LIMCH1: variants seen among roughly 807,000 people sequenced by gnomAD.
LIMCH1 encodes LIM and calponin homology domains-containing protein 1.
In LIMCH1, 113 loss-of-function variants were observed where a neutral mutation model predicts 176.5. The ratio of observed to expected loss-of-function variants is 0.64; its 90% CI spans 0.55 to 0.75. The LOEUF is 0.75. LIMCH1 is among the 30% of genes least tolerant of loss of function. The probability of loss-of-function intolerance (pLI) is 0.00; values close to 1 mark genes in which losing one functional copy is unlikely to be tolerated. For synonymous variants in LIMCH1, 619 were observed against 645.9 expected, an observed-to-expected ratio of 0.96 and a Z score of 0.63; for missense variants, 1,674 against 1,814.9, an observed-to-expected ratio of 0.92 and a Z score of 1.41.
intron 1 of LIMCH1, among the ~76,000 whole-genome samples, chr4:41,572,438 A>T (rs1213663009): frequency 6.6e-6 from 1 of 152,198 alleles, no homozygotes; most frequent in African/African-American, 2.4e-5. Context: ...GAAAGAAAAT[A>T]TGAGACATCT....
chr4:41,369,376 A>G (rs2154095809), intron 1 of LIMCH1, among the ~76,000 whole-genome samples: 1 of 152,310 alleles, frequency 6.6e-6, no homozygotes. Flanking sequence ...CTTTCTGTAT[A>G]TAGGAGAGAC....
At chr4:41,415,732 C>G (rs2059865093) in intron 1 of LIMCH1, among the ~76,000 whole-genome samples, 3 of 152,084 alleles carry the variant, frequency 2.0e-5, no homozygotes, top group Admixed American at 2.0e-4. Flanking sequence ...AATCCCAGCA[C>G]TTTGGGAGGT....
At chr4:41,372,621 A>T (rs1336576219) in intron 1 of LIMCH1, among the ~76,000 whole-genome samples, 1 of 152,192 alleles carries the variant, frequency 6.6e-6, no homozygotes, top group Non-Finnish European at 1.5e-5. Flanking sequence ...TAGGAATTTC[A>T]CATTTCCTAT....
intron 1 of LIMCH1, among the ~76,000 whole-genome samples, chr4:41,546,081 A>G (rs113268460): frequency 6.6e-5 from 10 of 152,312 alleles, no homozygotes; most frequent in African/African-American, 1.9e-4. Context: ...AATAAAAAAT[A>G]TGTTATAGAA....
chr4:41,617,855 A>C (rs2092253682), intron 5 of LIMCH1, among the ~76,000 whole-genome samples: 1 of 152,262 alleles, frequency 6.6e-6, no homozygotes, highest in Non-Finnish European at 1.5e-5. Context: ...CTATTATGAC[A>C]TAAAGAGTAG....
At chr4:41,379,694 T>G (rs1292175891) in intron 1 of LIMCH1, among the ~76,000 whole-genome samples, 1 of 152,260 alleles carries the variant, frequency 6.6e-6, no homozygotes, top group Non-Finnish European at 1.5e-5. Flanking sequence ...ATTCTGATAC[T>G]AAGTCATTTG....
At chr4:41,610,764 C>T (rs948254048) in intron 4 of LIMCH1, among the ~76,000 whole-genome samples, 11 of 152,262 alleles carry the variant, frequency 7.2e-5, no homozygotes, top group African/African-American at 2.2e-4. Context: ...CCCAGCCAGT[C>T]GGTATTCGGA....
chr4:41,404,189 C>T (rs984045390), intron 1 of LIMCH1, among the ~76,000 whole-genome samples: 1 of 152,130 alleles, frequency 6.6e-6, no homozygotes, highest in African/African-American at 2.4e-5. Context: ...CTGACAGAGA[C>T]TTCCTTCACC....
At chr4:41,564,783 A>C (rs1483154163) in intron 1 of LIMCH1, among the ~76,000 whole-genome samples, 2 of 152,154 alleles carry the variant, frequency 1.3e-5, no homozygotes, top group Admixed American at 6.5e-5. Context: ...GGGCAGGATC[A>C]GGTGGAGATA....
chr4:41,479,206 T>C (rs1327875691), intron 1 of LIMCH1, among the ~76,000 whole-genome samples: 1 of 152,218 alleles, frequency 6.6e-6, no homozygotes, highest in Admixed American at 6.5e-5. Context: ...TTAGTATGCA[T>C]CTCCAAAGTG....
At chr4:41,524,289 A>C in intron 2 of LIMCH1, 1 of 779,434 alleles carries the variant, frequency 1.3e-6, no homozygotes, top group African/African-American at 1.7e-5. Context: ...GAGATTTACT[A>C]TATGCTTTAA....
chr4:41,675,672 G>C (rs565283047), intron 22 of LIMCH1, among the ~76,000 whole-genome samples: 241 of 140,698 alleles, frequency 1.7e-3, no homozygotes, highest in Admixed American at 4.6e-3. Context: ...CCCCCCACCT[G>C]TACCCTCCCA....
chr4:41,509,834 A>G (rs765857393), intron 2 of LIMCH1, among the ~76,000 whole-genome samples: 1 of 152,260 alleles, frequency 6.6e-6, no homozygotes, highest in South Asian at 2.1e-4. Flanking sequence ...CTCCTACTCA[A>G]AAGAGGGACT....
At chr4:41,472,607 A>G (rs1378299913) in intron 1 of LIMCH1, among the ~76,000 whole-genome samples, 4 of 151,884 alleles carry the variant, frequency 2.6e-5, no homozygotes, top group Admixed American at 2.6e-4. Context: ...TTTTGTAGAG[A>G]TGGGTGTTGC....
At chr4:41,479,330 G>A (rs975905666) in intron 1 of LIMCH1, among the ~76,000 whole-genome samples, 39 of 152,134 alleles carry the variant, frequency 2.6e-4, no homozygotes, top group African/African-American at 9.4e-4. Flanking sequence ...ACAGCTCACT[G>A]CAGCCTCCAA....
At chr4:41,511,985 AAAATATTTGC>A (rs1350151874) in intron 2 of LIMCH1, among the ~76,000 whole-genome samples, 1 of 152,226 alleles carries the variant, frequency 6.6e-6, no homozygotes, top group Non-Finnish European at 1.5e-5. Flanking sequence ...AGAATGGGAA[AAAATATTTGC>A]AAATCATATA....
At chr4:41,611,515 C>T (rs1190848331) in intron 4 of LIMCH1, among the ~76,000 whole-genome samples, 3 of 152,110 alleles carry the variant, frequency 2.0e-5, no homozygotes, top group African/African-American at 7.2e-5. Flanking sequence ...GTAACTGTAC[C>T]AAAGATGATC....
At chr4:41,427,339 C>G (rs2061210448) in intron 1 of LIMCH1, among the ~76,000 whole-genome samples, 1 of 152,186 alleles carries the variant, frequency 6.6e-6, no homozygotes, top group Admixed American at 6.5e-5. Flanking sequence ...TAAAATTTAT[C>G]TTCAAAGTAA....
chr4:41,601,659 A>G (rs2089948687), intron 2 of LIMCH1, among the ~76,000 whole-genome samples: 1 of 152,248 alleles, frequency 6.6e-6, no homozygotes, highest in Non-Finnish European at 1.5e-5. Flanking sequence ...AGTATTTCAA[A>G]GAACATAAAG....
Sources: gnomAD v4.1 joint callset for allele counts (sites outside exome capture counted in the v4.1 genomes callset) on GRCh38, gnomAD v4.1.1 for gene constraint, MANE v1.5 for transcripts, NCBI Gene and HGNC (gene_info 2026-07-23, HGNC 2026-07-21) for gene names.